ZMYND12: variants seen among roughly 807,000 people sequenced by gnomAD.
The protein encoded by ZMYND12 is zinc finger MYND-type containing 12, also known as zinc finger MYND domain-containing protein 12.
In ZMYND12, 32 loss-of-function variants were observed where a neutral mutation model predicts 41.7. That is an observed-to-expected ratio of 0.77 (90% CI 0.58 to 1.03). The LOEUF is 1.03. ZMYND12 is among the 50% of genes least tolerant of loss of function. ZMYND12 has a pLI of 0.00. For missense variants in ZMYND12, 424 were observed against 438.5 expected, an observed-to-expected ratio of 0.97 and a Z score of 0.30; for synonymous variants, 148 against 164.8, an observed-to-expected ratio of 0.90 and a Z score of 0.78.
chr1:42,443,497 G>T (rs1412571329), intron 3 of ZMYND12, among the ~76,000 whole-genome samples: 3 of 152,226 alleles, frequency 2.0e-5, no homozygotes, highest in Non-Finnish European at 4.4e-5. Flanking sequence ...AGATCTGGGA[G>T]ATATTATGGG....
intron 3 of ZMYND12, among the ~76,000 whole-genome samples, chr1:42,441,475 T>C (rs1642967976): frequency 6.6e-6 from 1 of 152,266 alleles, no homozygotes; most frequent in Non-Finnish European, 1.5e-5. Flanking sequence ...TTCCCTATGC[T>C]TTAAATCATC....
chr1:42,433,976 T>C (rs1284893313), intron 6 of ZMYND12, among the ~76,000 whole-genome samples: 1 of 152,198 alleles, frequency 6.6e-6, no homozygotes, highest in Admixed American at 6.5e-5. Context: ...AGCTATAACA[T>C]GAACTATTTA....
chr1:42,446,987 G>C (rs1319167063), intron 3 of ZMYND12, among the ~76,000 whole-genome samples: 1 of 152,128 alleles, frequency 6.6e-6, no homozygotes, highest in Non-Finnish European at 1.5e-5. Flanking sequence ...ATTAACGATA[G>C]TAATGGATTT....
intron 6 of ZMYND12, among the ~76,000 whole-genome samples, chr1:42,435,072 G>A (rs527604107): frequency 4.6e-5 from 7 of 152,228 alleles, no homozygotes; most frequent in African/African-American, 1.4e-4. Context: ...ATGGCTATGT[G>A]TGATGATAGG....
At chr1:42,455,830 C>T (rs975895022) in intron 1 of ZMYND12, 58 bp downstream of exon 1, 34 of 1,372,442 alleles carry the variant, frequency 2.5e-5, no homozygotes, top group African/African-American at 5.7e-5. Flanking sequence ...AAGCCAGACC[C>T]GGGAAAGGGA....
chr1:42,435,713 C>T (rs1038817751), intron 5 of ZMYND12, among the ~76,000 whole-genome samples: 1 of 152,186 alleles, frequency 6.6e-6, no homozygotes, highest in Non-Finnish European at 1.5e-5. Flanking sequence ...CTTATTATTC[C>T]CATTTTACAT....
At chr1:42,433,055 T>C in intron 7 of ZMYND12, 88 bp downstream of exon 7, 1 of 1,548,806 alleles carries the variant, frequency 6.5e-7, no homozygotes. Flanking sequence ...GCAAAAGCTA[T>C]TGGAATTGGG....
At chr1:42,447,906 G>A (rs1255475423) in intron 3 of ZMYND12, among the ~76,000 whole-genome samples, 1 of 152,086 alleles carries the variant, frequency 6.6e-6, no homozygotes, top group Admixed American at 6.6e-5. Context: ...TCTGATCCCA[G>A]GGAATAAAGG....
intron 1 of ZMYND12, 31 bp downstream of exon 1, chr1:42,455,857 T>G (rs376787437): frequency 6.5e-7 from 1 of 1,542,810 alleles, no homozygotes; most frequent in Non-Finnish European, 8.9e-7. Context: ...GAGGGAGTTA[T>G]AGCGCCCAGG....
chr1:42,434,836 A>G (rs931783408), intron 6 of ZMYND12, among the ~76,000 whole-genome samples: 3 of 152,000 alleles, frequency 2.0e-5, no homozygotes, highest in Non-Finnish European at 4.4e-5. Context: ...TAATAAAAAC[A>G]TAGTACACAA....
chr1:42,435,249 C>G (rs764849005), intron 6 of ZMYND12, 25 bp downstream of exon 6: 3 of 1,543,454 alleles, frequency 1.9e-6, no homozygotes, highest in Middle Eastern at 1.7e-4. Context: ...TCACTGCTCT[C>G]CCTTCAGGGA....
At chr1:42,431,205 G>T (rs1480503667) in intron 7 of ZMYND12, among the ~76,000 whole-genome samples, 1 of 152,172 alleles carries the variant, frequency 6.6e-6, no homozygotes, top group African/African-American at 2.4e-5. Flanking sequence ...ACCACTCTGG[G>T]GTGGTCCTGG....
intron 4 of ZMYND12, among the ~76,000 whole-genome samples, chr1:42,438,876 C>T (rs558507773): frequency 1.5e-4 from 23 of 152,272 alleles, no homozygotes; most frequent in African/African-American, 5.5e-4. Context: ...TCAGATTTCA[C>T]GCCCAGGAAC....
intron 2 of ZMYND12, 115 bp from the exon 3 acceptor site, chr1:42,448,753 G>A (rs1163941327): frequency 2.9e-6 from 3 of 1,031,280 alleles, no homozygotes; most frequent in Non-Finnish European, 4.1e-6. Context: ...GGCACATAGT[G>A]AGCCTGCCTG....
chr1:42,443,545 A>T (rs1228186015), intron 3 of ZMYND12, among the ~76,000 whole-genome samples: 1 of 152,100 alleles, frequency 6.6e-6, no homozygotes, highest in Non-Finnish European at 1.5e-5. Flanking sequence ...AAGTGAAGGA[A>T]TGCAGCATAC....
intron 3 of ZMYND12, among the ~76,000 whole-genome samples, chr1:42,445,056 C>T (rs111657280): frequency 0.041 from 6,156 of 151,378 alleles, 417 homozygotes; most frequent in African/African-American, 0.14. Flanking sequence ...GATCCGCCCA[C>T]CTCAGCCTGC....
rs980971445 is a variant in ZMYND12 at position 42,445,537 on chromosome 1, G to C, written c.424+2930C>G. ...GAGCTGAAACCTGAAAGATGATAAG[G>C]AGTTAATTTGGTGAAGGGAAGAGGA... On this transcript the variant is annotated intron_variant, in intron 3 of 7. Transcript: ENST00000372565. Among the ~76,000 whole-genome samples the C allele has an allele frequency of 2.0e-5, 3 of 152,080 alleles. No individual in the cohort carries two copies. The East Asian group carries it at 5.8e-4, about 30-fold the overall frequency.
Position 42,437,847 on chromosome 1 carries a change from A to G in ZMYND12, c.595-1304T>C, listed in dbSNP as rs188683528. Among the ~76,000 whole-genome samples the G allele has an allele frequency of 6.2e-4, 94 of 152,104 alleles. 2 individuals are homozygous for G. The highest frequency in any genetic ancestry group is 8.8e-5 in the Non-Finnish European group (6 of 67,994). ...CAGGCACATGCCACCACACCCAGCT[A>G]ATTTTGTATATTTAGACGGGGTTTC... On this transcript the variant is annotated intron_variant, in intron 4 of 7. Transcript: ENST00000372565.
intron 2 of ZMYND12, among the ~76,000 whole-genome samples, chr1:42,449,531 A>G (rs1643060755): frequency 6.6e-6 from 1 of 152,228 alleles, no homozygotes; most frequent in African/African-American, 2.4e-5. Flanking sequence ...GATACCAGGC[A>G]TGCTTGCACA....
Sources: allele counts gnomAD v4.1 joint callset (sites outside exome capture counted in the v4.1 genomes callset), GRCh38; gene constraint gnomAD v4.1.1; transcripts MANE v1.5; gene names NCBI Gene and HGNC (gene_info 2026-07-23, HGNC 2026-07-21).